PKIB: variants seen among roughly 807,000 people sequenced by gnomAD.
PKIB encodes cAMP-dependent protein kinase inhibitor beta, also known as PKI-beta.
In PKIB, 2 loss-of-function variants were observed where a neutral mutation model predicts 4.5. The ratio of observed to expected loss-of-function variants is 0.44; its 90% confidence interval spans 0.18 to 1.39. The LOEUF (loss-of-function observed/expected upper bound fraction) is 1.39, where lower values mean the gene tolerates loss of function less well. Among genes scored for constraint, PKIB ranks in the 40% most tolerant of loss-of-function variants. PKIB has a pLI of 0.27. For missense variants in PKIB, 94 were observed against 92.6 expected, an observed-to-expected ratio of 1.02 and a Z score of -0.06; for synonymous variants, 38 against 36.0, an observed-to-expected ratio of 1.06 and a Z score of -0.20.
intron 3 of PKIB, among the ~76,000 whole-genome samples, chr6:122,598,665 C>T (rs1247581451): frequency 6.6e-6 from 1 of 152,180 alleles, no homozygotes; most frequent in Non-Finnish European, 1.5e-5. Flanking sequence ...GACTAATCCA[C>T]TCCACCATCC....
chr6:122,549,535 A>G (rs1244818883), intron 2 of PKIB, among the ~76,000 whole-genome samples: 1 of 152,170 alleles, frequency 6.6e-6, no homozygotes. Context: ...TGCCCAGTGC[A>G]TAGCTTGAAG....
At chr6:122,482,442 A>C (rs1207436315) in intron 2 of PKIB, 1 of 152,224 alleles carries the variant, frequency 6.6e-6, no homozygotes, top group Non-Finnish European at 1.5e-5. Context: ...ACAGTAGCTC[A>C]ACATGCTTCT....
At chr6:122,607,532 C>T (rs151330237), upstream of PKIB, among the ~76,000 whole-genome samples, 29 of 151,960 alleles carry the variant, frequency 1.9e-4, no homozygotes, top group South Asian at 1.0e-3. Flanking sequence ...ACAAACAACA[C>T]GTAGATCCCT....
intron 2 of PKIB, among the ~76,000 whole-genome samples, chr6:122,503,039 G>A (rs773656503): frequency 1.2e-4 from 18 of 152,016 alleles, no homozygotes; most frequent in African/African-American, 2.7e-4. Flanking sequence ...CTTCATATGC[G>A]GTCTTCTCTC....
chr6:122,595,893 C>T (rs1774162877), intron 3 of PKIB, among the ~76,000 whole-genome samples: 1 of 152,200 alleles, frequency 6.6e-6, no homozygotes, highest in African/African-American at 2.4e-5. Context: ...TTATTAAACT[C>T]CTCCTCTGCT....
intron 3 of PKIB, among the ~76,000 whole-genome samples, chr6:122,706,117 G>A (rs1427317487): frequency 6.6e-6 from 1 of 152,016 alleles, no homozygotes; most frequent in Non-Finnish European, 1.5e-5. Context: ...CTCTGGCTTA[G>A]TAAGCCTTTC....
chr6:122,662,888 C>T (rs1176815230), intron 2 of PKIB, among the ~76,000 whole-genome samples: 2 of 152,208 alleles, frequency 1.3e-5, no homozygotes, highest in Non-Finnish European at 2.9e-5. Context: ...TGCTGTTTGT[C>T]TGCCTTCCAA....
chr6:122,563,462 TCC>T (rs1225189222), intron 2 of PKIB, among the ~76,000 whole-genome samples: 1 of 152,092 alleles, frequency 6.6e-6, no homozygotes, highest in African/African-American at 2.4e-5. Context: ...GGTGGCGCTT[TCC>T]AGAAAGCATC....
At chr6:122,650,188 G>T (rs1040636832) in intron 2 of PKIB, among the ~76,000 whole-genome samples, 1 of 152,080 alleles carries the variant, frequency 6.6e-6, no homozygotes, top group Admixed American at 6.5e-5. Flanking sequence ...TGTCTAACAT[G>T]CCCCATACTA....
intron 2 of PKIB, among the ~76,000 whole-genome samples, chr6:122,524,226 C>T (rs1777030206): frequency 6.8e-6 from 1 of 147,672 alleles, no homozygotes; most frequent in Non-Finnish European, 1.5e-5. Context: ...TCCCCCTCCT[C>T]CTCTTCCTCA....
chr6:122,512,539 T>G (rs1776616155), intron 2 of PKIB, among the ~76,000 whole-genome samples: 1 of 152,212 alleles, frequency 6.6e-6, no homozygotes, highest in Non-Finnish European at 1.5e-5. Context: ...TTTGAAAACC[T>G]GGACTCTCTG....
chr6:122,474,023 C>T (rs1191041004), intron 1 of PKIB, among the ~76,000 whole-genome samples: 2 of 152,184 alleles, frequency 1.3e-5, no homozygotes, highest in Non-Finnish European at 2.9e-5. Flanking sequence ...ATCCCAGCTA[C>T]TCAGGAGGCT....
At chr6:122,616,791 C>G (rs1395450550) in intron 1 of PKIB, among the ~76,000 whole-genome samples, 2 of 151,966 alleles carry the variant, frequency 1.3e-5, no homozygotes, top group Non-Finnish European at 2.9e-5. Flanking sequence ...TGCCAGACCC[C>G]TAGGGTTGGA....
At chr6:122,517,026 G>A (rs1406023191) in intron 2 of PKIB, among the ~76,000 whole-genome samples, 2 of 152,164 alleles carry the variant, frequency 1.3e-5, no homozygotes, top group Non-Finnish European at 2.9e-5. Context: ...TCACTATTTA[G>A]TGAATTATGT....
intron 2 of PKIB, among the ~76,000 whole-genome samples, chr6:122,542,027 G>A (rs929533015): frequency 6.6e-6 from 1 of 151,882 alleles, no homozygotes; most frequent in Non-Finnish European, 1.5e-5. Flanking sequence ...TTGGCTTTCA[G>A]CTCCATCAGC....
intron 2 of PKIB, among the ~76,000 whole-genome samples, chr6:122,541,978 C>T (rs2114638489): frequency 6.6e-6 from 1 of 152,162 alleles, no homozygotes; most frequent in Admixed American, 6.5e-5. Context: ...ATCGCATCGG[C>T]TCCTGAGGCT....
chr6:122,589,182 T>C (rs945355489), intron 3 of PKIB, among the ~76,000 whole-genome samples: 1 of 152,158 alleles, frequency 6.6e-6, no homozygotes, highest in African/African-American at 2.4e-5. Flanking sequence ...ATGTTTGTAA[T>C]AATAAAGTTG....
rs199567881 is a variant in PKIB, at chr6:122,521,536, T to C, written c.-248+43597T>C. 3.4e-4 allele frequency among the ~76,000 whole-genome samples: 52 copies of C among 151,796 alleles called. 1 individual carries two copies. In the East Asian group the frequency reaches 9.8e-3, roughly 29 times the overall value. On this transcript the variant is annotated intron_variant, in intron 2 of 6. Coordinates refer to the PKIB transcript ENST00000392491. The stretch of plus-strand genomic sequence containing the variant: ...TTTACTAAAAATACAAAAAATTAGC[T>C]GGGCGTGGTGGTGGGCGCCTGTAGT...
intron 1 of PKIB, among the ~76,000 whole-genome samples, chr6:122,622,403 T>G (rs1775275445): frequency 6.6e-6 from 1 of 152,200 alleles, no homozygotes; most frequent in Non-Finnish European, 1.5e-5. Context: ...GGATAGAGTT[T>G]AAATGAAGGA....
Sources: allele counts gnomAD v4.1 joint callset (sites outside exome capture counted in the v4.1 genomes callset), GRCh38; gene constraint gnomAD v4.1.1; transcripts MANE v1.5; gene names NCBI Gene and HGNC (gene_info 2026-07-23, HGNC 2026-07-21).